The following PTCHD4 variants were observed in gnomAD, a reference collection of about 807,000 sequenced individuals.
PTCHD4 encodes patched domain-containing protein 4.
PTCHD4 carries 33 observed loss-of-function variants against 58.1 expected under a neutral mutation model. The ratio of observed to expected loss-of-function variants is 0.57; its 90% CI spans 0.43 to 0.76. PTCHD4 has a LOEUF of 0.76. Ranked by LOEUF, PTCHD4 falls within the 30% of genes least tolerant of loss-of-function variation. The pLI is 0.00. For missense variants in PTCHD4, 1,058 were observed against 1,027.1 expected, an observed-to-expected ratio of 1.03 and a Z score of -0.41; for synonymous variants, 478 against 409.6, an observed-to-expected ratio of 1.17 and a Z score of -2.02.
Position 48,002,686 on chromosome 6 carries a change from C to T in PTCHD4, c.898+5948G>A, listed in dbSNP as rs1004347738. ...ATGACGAGTTACTGGGTGCAGCACA[C>T]CAACATGGCACATGTATATATATGT... On this transcript the variant is annotated intron_variant, in intron 4 of 4. Transcript: ENST00000339488. Among the ~76,000 whole-genome samples the T allele has an allele frequency of 2.0e-5, 3 of 151,792 alleles. No homozygotes were observed. In the South Asian group the frequency reaches 6.3e-4, roughly 32 times the overall value.
At chr6:48,029,519 C>T (rs932753914) in intron 3 of PTCHD4, among the ~76,000 whole-genome samples, 28 of 151,978 alleles carry the variant, frequency 1.8e-4, no homozygotes, top group Non-Finnish European at 3.7e-4. Context: ...TGAAATTTTG[C>T]TATTTTTAAA....
chr6:47,875,235 G>A lies in PTCHD4; in HGVS notation c.*3068C>T, dbSNP rs547708269. Among the ~76,000 whole-genome samples, 1 of 151,906 alleles carries A rather than the reference G, an allele frequency of 6.6e-6. No individual in the cohort carries two copies. The highest frequency in any genetic ancestry group is 2.1e-4 in the South Asian group (1 of 4,824). ...AACAGATAAGTTCCTAATTTGAATG[G>A]CATTAGTACTTCATAAATGAACAAA... is the stretch of plus-strand genomic sequence containing the variant. On this transcript the variant is annotated 3_prime_UTR_variant, in exon 5 of 5. Coordinates refer to ENST00000339488, the MANE Select transcript of PTCHD4 (RefSeq NM_001384253.1).
chr6:47,977,858 AT>A (rs1767751811), intron 4 of PTCHD4, among the ~76,000 whole-genome samples: 2 of 152,212 alleles, frequency 1.3e-5, no homozygotes, highest in African/African-American at 4.8e-5. Context: ...GAAAGTGTAG[AT>A]AAATCAACAA....
intron 4 of PTCHD4, among the ~76,000 whole-genome samples, chr6:47,994,846 C>T (rs1037264136): frequency 6.6e-6 from 1 of 152,134 alleles, no homozygotes; most frequent in Non-Finnish European, 1.5e-5. Context: ...AATACAGGAA[C>T]ACACTTGCTT....
chr6:48,020,835 G>T (rs1052343445), intron 3 of PTCHD4, among the ~76,000 whole-genome samples: 25 of 152,178 alleles, frequency 1.6e-4, no homozygotes, highest in East Asian at 3.9e-4. Context: ...AAATATTCAA[G>T]GGAAATACAT....
At position 48,068,469 on chromosome 6, in the gene PTCHD4, G is replaced by T. The variant is rs773037332; in HGVS notation, c.178C>A (p.Arg60Ser). The stretch of plus-strand genomic sequence containing the variant: ...TCCAGGTCGCCCTCGGGCTGGAAGC[G>T]GTTGAGCGCGCTGAGGCCGAAGGTG... ...TITFGLSALN[R>S]FQPEGDLERL... Residue 60 changes from arginine to serine, a missense_variant, in exon 3 of 5, where the codon CGC becomes AGC. By Grantham distance (110) the Arg-to-Ser change is moderately radical. Transcript: ENST00000339488. This position sits in a 1 kb window ranked among gnomAD's most constrained non-coding sequence, Gnocchi z 4.2. 1.5e-5 allele frequency: 24 copies of T among 1,613,662 alleles called. No homozygotes were observed. The highest frequency in any genetic ancestry group is 1.9e-5 in the Non-Finnish European group (22 of 1,179,838).
chr6:48,039,596 T>C (rs1763770770), intron 3 of PTCHD4, among the ~76,000 whole-genome samples: 1 of 152,130 alleles, frequency 6.6e-6, no homozygotes, highest in Non-Finnish European at 1.5e-5. Context: ...TGTATTCTCC[T>C]GTATGTATGA....
chr6:47,982,938 T>C lies in PTCHD4; in HGVS notation c.898+25696A>G, dbSNP rs73477552. On this transcript the variant is annotated intron_variant, in intron 4 of 4. Transcript: ENST00000339488. The stretch of plus-strand genomic sequence containing the variant: ...ATTATTTTGGAGGGCATCCAGTGTA[T>C]ACCAAGATAAATAACGTTGAAATTT... Among the ~76,000 whole-genome samples the C allele has an allele frequency of 7.9e-3, 1,201 of 152,270 alleles. 15 individuals carry two copies. The highest frequency in any genetic ancestry group is 0.027 in the African/African-American group (1,142 of 41,540).
At chr6:47,921,245 G>C (rs990905871) in intron 4 of PTCHD4, among the ~76,000 whole-genome samples, 1 of 151,902 alleles carries the variant, frequency 6.6e-6, no homozygotes, top group Non-Finnish European at 1.5e-5. Context: ...AATATGATAG[G>C]AGAAAGTGCC....
intron 3 of PTCHD4, among the ~76,000 whole-genome samples, chr6:48,064,607 T>C (rs575418573): frequency 6.6e-6 from 1 of 152,150 alleles, no homozygotes; most frequent in Non-Finnish European, 1.5e-5. Context: ...TAAAGACAGC[T>C]GGAGAATACA....
At chr6:48,004,275 C>T (rs530685759) in intron 4 of PTCHD4, among the ~76,000 whole-genome samples, 44 of 152,212 alleles carry the variant, frequency 2.9e-4, no homozygotes, top group African/African-American at 9.1e-4. Flanking sequence ...TTGCAAAAAA[C>T]GAGTCATCAC....
intron 3 of PTCHD4, among the ~76,000 whole-genome samples, chr6:48,022,849 T>C (rs529806179): frequency 2.0e-5 from 3 of 152,288 alleles, no homozygotes; most frequent in African/African-American, 7.2e-5. Context: ...ATTTAACTTA[T>C]TACAAAAGAT....
intron 1 of PTCHD4, among the ~76,000 whole-genome samples, chr6:48,103,202 C>T (rs1765645020): frequency 6.6e-6 from 1 of 152,174 alleles, no homozygotes; most frequent in African/African-American, 2.4e-5. Flanking sequence ...GAGACACCCC[C>T]CAGTAGGGGC....
At chr6:47,923,876 G>A (rs186809133) in intron 4 of PTCHD4, among the ~76,000 whole-genome samples, 12 of 152,252 alleles carry the variant, frequency 7.9e-5, no homozygotes, top group Admixed American at 2.0e-4. Context: ...CGTGCTTCTT[G>A]TCCCAGCTGG....
chr6:48,107,705 A>C (rs978090827), intron 1 of PTCHD4, among the ~76,000 whole-genome samples: 34 of 152,314 alleles, frequency 2.2e-4, no homozygotes, highest in Non-Finnish European at 3.2e-4. Context: ...TACTCATCTG[A>C]CAAAGGGCTA....
chr6:48,031,686 GTA>G (rs1280448371), intron 3 of PTCHD4, among the ~76,000 whole-genome samples: 1 of 152,048 alleles, frequency 6.6e-6, no homozygotes, highest in Non-Finnish European at 1.5e-5. Flanking sequence ...AACACCTCTT[GTA>G]TAGTCTCCAT....
Position 47,862,169 on chromosome 6 carries a change from G to A in PTCHD4, c.*16134C>T, listed in dbSNP as rs1763445696. ...TTATTGTATAGGTATGACCAAGTTG[G>A]CCTTTAGGAGGCCTGATGGATTTTT... On this transcript the variant is annotated 3_prime_UTR_variant, in exon 5 of 5. Coordinates refer to ENST00000339488, the MANE Select transcript of PTCHD4 (RefSeq NM_001384253.1). 2.6e-5 allele frequency among the ~76,000 whole-genome samples: 4 copies of A among 151,764 alleles called. No individual in the cohort carries two copies. The highest frequency in any genetic ancestry group is 7.2e-5 in the African/African-American group (3 of 41,488).
chr6:47,959,561 G>C (rs566019518), intron 4 of PTCHD4, among the ~76,000 whole-genome samples: 22 of 152,010 alleles, frequency 1.4e-4, no homozygotes, highest in Admixed American at 4.6e-4. Context: ...ACCCATAGAC[G>C]CAAGAAACTC....
At chr6:47,986,181 T>C (rs1357706671) in intron 4 of PTCHD4, among the ~76,000 whole-genome samples, 6 of 152,142 alleles carry the variant, frequency 3.9e-5, no homozygotes, top group Non-Finnish European at 8.8e-5. Context: ...AGCTCTTGTG[T>C]TTGTATTCTA....
Sources: allele counts gnomAD v4.1 joint callset (sites outside exome capture counted in the v4.1 genomes callset), GRCh38; gene constraint gnomAD v4.1.1; non-coding constraint Gnocchi (gnomAD v3.1); transcripts MANE v1.5; gene names NCBI Gene and HGNC (gene_info 2026-07-23, HGNC 2026-07-21).